The following PREX2 variants were observed in gnomAD, a reference collection of about 807,000 sequenced individuals.
PREX2 encodes the protein phosphatidylinositol-3,4,5-trisphosphate dependent Rac exchange factor 2.
In PREX2, 107 loss-of-function variants were observed where a neutral mutation model predicts 203.2. The ratio of observed to expected loss-of-function variants is 0.53; its 90% CI spans 0.45 to 0.62. PREX2 has a LOEUF of 0.62. Ranked by LOEUF, PREX2 falls within the 20% of genes least tolerant of loss-of-function variation. The pLI is 0.00. For synonymous variants in PREX2, 672 were observed against 663.6 expected, an observed-to-expected ratio of 1.01 and a Z score of -0.19; for missense variants, 1,777 against 1,955.9, an observed-to-expected ratio of 0.91 and a Z score of 1.72.
intron 38 of PREX2, among the ~76,000 whole-genome samples, chr8:68,222,144 T>C (rs1430294814): frequency 6.6e-6 from 1 of 152,154 alleles, no homozygotes; most frequent in Non-Finnish European, 1.5e-5. Context: ...AGTATGTTTG[T>C]ATTTGTAAAT....
chr8:68,049,029 T>A (rs80054349), intron 8 of PREX2, among the ~76,000 whole-genome samples: 2,255 of 151,916 alleles, frequency 0.015, 49 homozygotes, highest in African/African-American at 0.051. Flanking sequence ...TTTCAATGTT[T>A]TTAATTTAAG....
chr8:67,973,810 G>T (rs1045750745), intron 1 of PREX2, among the ~76,000 whole-genome samples: 1 of 152,146 alleles, frequency 6.6e-6, no homozygotes, highest in African/African-American at 2.4e-5. Flanking sequence ...ACAGCTGGGA[G>T]CAGTTGTATT....
chr8:67,973,009 T>C (rs1047204005), intron 1 of PREX2, among the ~76,000 whole-genome samples: 3 of 152,192 alleles, frequency 2.0e-5, no homozygotes, highest in African/African-American at 7.2e-5. Context: ...CTCCCTGGAC[T>C]GGAAGGCTCA....
intron 35 of PREX2, among the ~76,000 whole-genome samples, chr8:68,179,339 T>G (rs557148624): frequency 6.6e-6 from 1 of 152,230 alleles, no homozygotes; most frequent in Non-Finnish European, 1.5e-5. Flanking sequence ...GGTTGGGATT[T>G]TTTTTTTAAA....
At chr8:68,072,210 A>G (rs1809217402) in intron 13 of PREX2, among the ~76,000 whole-genome samples, 1 of 152,194 alleles carries the variant, frequency 6.6e-6, no homozygotes, top group Non-Finnish European at 1.5e-5. Flanking sequence ...CTAATATAGC[A>G]GTAATAATCT....
intron 1 of PREX2, among the ~76,000 whole-genome samples, chr8:68,003,599 T>C (rs1807007903): frequency 6.6e-6 from 1 of 152,070 alleles, no homozygotes; most frequent in South Asian, 2.1e-4. Flanking sequence ...TTCTGGAGAG[T>C]TTTCTTCAAG....
At chr8:68,103,007 T>C (rs1014663) in intron 23 of PREX2, 219,898 of 501,548 alleles carry the variant, frequency 0.44, 49,309 homozygotes, top group African/African-American at 0.56. Flanking sequence ...GTTTTACATT[T>C]GTTCTTCTGC....
intron 20 of PREX2, among the ~76,000 whole-genome samples, chr8:68,092,261 C>T (rs546343869): frequency 8.5e-4 from 129 of 152,198 alleles, no homozygotes; most frequent in African/African-American, 2.8e-3. Context: ...AGCCCAGGGT[C>T]AATGTGGGAA....
intron 21 of PREX2, among the ~76,000 whole-genome samples, chr8:68,096,491 T>A (rs2129612447): frequency 6.6e-6 from 1 of 152,306 alleles, no homozygotes; most frequent in South Asian, 2.1e-4. Context: ...AATTTTATTA[T>A]AGTGAACAAT....
intron 12 of PREX2, 61 bp downstream of exon 12, chr8:68,069,197 TA>T (rs1809114673): frequency 1.2e-6 from 1 of 812,058 alleles, no homozygotes; most frequent in South Asian, 1.7e-5. Flanking sequence ...CTTCAGAAGA[TA>T]AAAGGTAGTT....
chr8:68,207,981 G>A (rs1352891251), intron 37 of PREX2, among the ~76,000 whole-genome samples: 1 of 152,130 alleles, frequency 6.6e-6, no homozygotes, highest in Admixed American at 6.5e-5. Flanking sequence ...TAGAAGTGAG[G>A]AAAACAGGGA....
chr8:68,228,961 A>AG (rs1173769444), intron 39 of PREX2, among the ~76,000 whole-genome samples: 36 of 122,598 alleles, frequency 2.9e-4, no homozygotes, highest in South Asian at 1.9e-3. Flanking sequence ...AAAAAAAAAA[A>AG]AAAAAAGAAA....
chr8:68,082,329 T>C (rs1809555610), intron 17 of PREX2: 1 of 152,200 alleles, frequency 6.6e-6, no homozygotes. Flanking sequence ...TTAAAGTTAG[T>C]GGTAAACTGT....
intron 37 of PREX2, among the ~76,000 whole-genome samples, chr8:68,214,400 C>CA (rs1048875915): frequency 6.6e-6 from 1 of 151,782 alleles, no homozygotes; most frequent in Non-Finnish European, 1.5e-5. Context: ...ACCCTATCTC[C>CA]AAAAAAAGAG....
chr8:68,189,717 T>A (rs777557738), intron 35 of PREX2, among the ~76,000 whole-genome samples: 1 of 152,122 alleles, frequency 6.6e-6, no homozygotes, highest in Non-Finnish European at 1.5e-5. Flanking sequence ...CTGCCTGGGG[T>A]TGCTGTAGCC....
chr8:68,127,276 C>A, intron 30 of PREX2, 102 bp from the exon 31 acceptor site: 2 of 868,650 alleles, frequency 2.3e-6, no homozygotes, highest in Non-Finnish European at 1.8e-6. Context: ...TTTGCATGAA[C>A]CTAGTCCAAT....
At chr8:67,996,172 A>G (rs1806757979) in intron 1 of PREX2, among the ~76,000 whole-genome samples, 1 of 151,918 alleles carries the variant, frequency 6.6e-6, no homozygotes, top group East Asian at 1.9e-4. Context: ...AATATTGGGT[A>G]GTTTTTCTTT....
intron 35 of PREX2, chr8:68,176,894 T>A (rs796382727): frequency 5.9e-5 from 9 of 152,194 alleles, no homozygotes; most frequent in African/African-American, 2.2e-4. Flanking sequence ...CACGCAGACA[T>A]GTTCCTGAGA....
chr8:68,078,900 G>T (rs934430127), intron 15 of PREX2, among the ~76,000 whole-genome samples: 1 of 152,158 alleles, frequency 6.6e-6, no homozygotes, highest in Admixed American at 6.5e-5. Flanking sequence ...GAACAGTGTA[G>T]CTCATGCCTG....
Sources: gnomAD v4.1 joint callset for allele counts (sites outside exome capture counted in the v4.1 genomes callset) on GRCh38, gnomAD v4.1.1 for gene constraint, MANE v1.5 for transcripts, NCBI Gene and HGNC (gene_info 2026-07-23, HGNC 2026-07-21) for gene names.